ATP2B4: variants seen among roughly 807,000 people sequenced by gnomAD.
ATP2B4 encodes plasma membrane calcium-transporting ATPase 4.
ATP2B4 carries 39 observed loss-of-function variants against 110.3 expected under a neutral mutation model. The observed-to-expected ratio is 0.35, with a 90% CI of 0.27 to 0.46. The LOEUF (loss-of-function observed/expected upper bound fraction) is 0.46, where lower values mean the gene tolerates loss of function less well. ATP2B4 is among the 20% of genes least tolerant of loss of function. ATP2B4 has a pLI of 1.00. For missense variants in ATP2B4, 1,135 were observed against 1,530.9 expected, an observed-to-expected ratio of 0.74 and a Z score of 4.32; for synonymous variants, 538 against 571.7, an observed-to-expected ratio of 0.94 and a Z score of 0.84.
intron 15 of ATP2B4, among the ~76,000 whole-genome samples, chr1:203,715,779 C>T (rs1029161973): frequency 6.9e-6 from 1 of 144,530 alleles, no homozygotes; most frequent in African/African-American, 2.5e-5. Context: ...TTGCCCAAAT[C>T]AGGATTCAGA....
intron 1 of ATP2B4, among the ~76,000 whole-genome samples, chr1:203,662,071 C>T (rs901968933): frequency 7.2e-5 from 11 of 151,826 alleles, no homozygotes; most frequent in African/African-American, 2.2e-4. Flanking sequence ...CTCAGTTGCC[C>T]AGGCTGGGGT....
chr1:203,729,827 GTC>G, intron 20 of ATP2B4: 1 of 1,278,086 alleles, frequency 7.8e-7, no homozygotes, highest in Non-Finnish European at 1.0e-6. Context: ...TCCTTGGTTT[GTC>G]TCTCAGAGGG....
At chr1:203,631,773 C>G (rs78994231) in intron 1 of ATP2B4, among the ~76,000 whole-genome samples, 6 of 151,998 alleles carry the variant, frequency 3.9e-5, no homozygotes, top group Non-Finnish European at 8.8e-5. Flanking sequence ...TGGAAAGCTA[C>G]GTACAAGGTG....
intron 11 of ATP2B4, among the ~76,000 whole-genome samples, chr1:203,709,924 A>T (rs554354929): frequency 6.6e-6 from 1 of 152,212 alleles, no homozygotes; most frequent in Non-Finnish European, 1.5e-5. Flanking sequence ...AGCTCCTAAA[A>T]GTACTACCCC....
intron 1 of ATP2B4, among the ~76,000 whole-genome samples, chr1:203,666,535 C>T (rs552417484): frequency 2.6e-5 from 4 of 152,248 alleles, no homozygotes; most frequent in African/African-American, 9.6e-5. Context: ...GGCCCCCGTT[C>T]TTCGTGCCTC....
chr1:203,648,223 A>G (rs1024873356), intron 1 of ATP2B4, among the ~76,000 whole-genome samples: 11 of 152,114 alleles, frequency 7.2e-5, no homozygotes, highest in African/African-American at 2.2e-4. Flanking sequence ...TCTTAAATGT[A>G]TATGTGTGAA....
chr1:203,662,719 C>T (rs1049491096), intron 1 of ATP2B4, among the ~76,000 whole-genome samples: 19 of 152,142 alleles, frequency 1.2e-4, no homozygotes, highest in Admixed American at 5.2e-4. Context: ...CATGGAGGCC[C>T]TCCTTTTTTA....
At chr1:203,695,830 C>T (rs2102379571) in intron 2 of ATP2B4, among the ~76,000 whole-genome samples, 1 of 152,138 alleles carries the variant, frequency 6.6e-6, no homozygotes, top group South Asian at 2.1e-4. Flanking sequence ...GCAAATAATG[C>T]TCCCTTGGGT....
intron 1 of ATP2B4, among the ~76,000 whole-genome samples, chr1:203,664,746 C>T (rs1307817423): frequency 6.6e-6 from 1 of 152,164 alleles, no homozygotes; most frequent in Non-Finnish European, 1.5e-5. Flanking sequence ...GGTTTTCTTC[C>T]TTAGATATTT....
At chr1:203,727,771 T>C (rs1261727680) in intron 20 of ATP2B4, 200 bp downstream of exon 20, 18 of 619,250 alleles carry the variant, frequency 2.9e-5, no homozygotes, top group Non-Finnish European at 5.0e-5. Flanking sequence ...AGGAGTCAAA[T>C]GACCTAGACC....
At chr1:203,699,906 C>T (rs377447904) in intron 4 of ATP2B4, among the ~76,000 whole-genome samples, 189 bp downstream of exon 4, 75 of 152,250 alleles carry the variant, frequency 4.9e-4, no homozygotes, top group African/African-American at 1.8e-3. Context: ...GAAACTCTGT[C>T]GCAAGATTGT....
intron 18 of ATP2B4, 118 bp downstream of exon 18, chr1:203,722,807 G>A (rs1420570843): frequency 4.2e-6 from 4 of 956,408 alleles, no homozygotes; most frequent in African/African-American, 3.3e-5. Context: ...GACTGGAGCT[G>A]TAAGTTGAAC....
At chr1:203,659,292 T>TG in intron 1 of ATP2B4, among the ~76,000 whole-genome samples, 1 of 152,366 alleles carries the variant, frequency 6.6e-6, no homozygotes, top group East Asian at 1.9e-4. Flanking sequence ...GAGTAGCTCT[T>TG]GTATTAATCA....
chr1:203,677,353 C>T (rs961643938), intron 1 of ATP2B4, among the ~76,000 whole-genome samples: 10 of 152,132 alleles, frequency 6.6e-5, no homozygotes, highest in African/African-American at 2.4e-4. Context: ...TCTCCCAATC[C>T]CACATCCCTG....
Position 203,701,351 on chromosome 1 carries a change from G to A in ATP2B4, c.901+428G>A, listed in dbSNP as rs187565102. Among the ~76,000 whole-genome samples, 20 of 152,286 alleles carry A rather than the reference G, an allele frequency of 1.3e-4. 1 individual carries two copies. Among genetic ancestry groups the A allele is most frequent in the Admixed American group, 7.2e-4 (11 of 15,292 alleles). On this transcript the variant is annotated intron_variant, in intron 6 of 20. Coordinates refer to ENST00000357681, the MANE Select transcript of ATP2B4 (RefSeq NM_001684.5). The stretch of plus-strand genomic sequence containing the variant: ...CAGAAGAGTAAAATAGATTTCTGCC[G>A]AAACTGTAGGCTCTCAATGGAAGAG...
intron 8 of ATP2B4, among the ~76,000 whole-genome samples, chr1:203,706,036 G>C (rs1344089906): frequency 6.6e-6 from 1 of 152,204 alleles, no homozygotes; most frequent in East Asian, 1.9e-4. Flanking sequence ...TTAAAGCAGA[G>C]CTTTTCCCAA....
chr1:203,659,769 G>T (rs897305592), intron 1 of ATP2B4, among the ~76,000 whole-genome samples: 1 of 152,154 alleles, frequency 6.6e-6, no homozygotes. Context: ...GGTTGGCAGG[G>T]TGAGACCCTG....
chr1:203,685,384 T>C (rs1422149233), intron 2 of ATP2B4, among the ~76,000 whole-genome samples: 1 of 152,256 alleles, frequency 6.6e-6, no homozygotes, highest in Non-Finnish European at 1.5e-5. Context: ...TAGCATGAGA[T>C]GGAGCAAAGA....
chr1:203,693,786 G>A (rs1304485597), intron 2 of ATP2B4, among the ~76,000 whole-genome samples: 1 of 152,216 alleles, frequency 6.6e-6, no homozygotes, highest in African/African-American at 2.4e-5. Context: ...CCGTGGTGAA[G>A]GAAGTAGGGT....
Sources: allele counts gnomAD v4.1 joint callset (sites outside exome capture counted in the v4.1 genomes callset), GRCh38; gene constraint gnomAD v4.1.1; transcripts MANE v1.5; gene names NCBI Gene and HGNC (gene_info 2026-07-23, HGNC 2026-07-21).